SFSWAP: variants seen among roughly 807,000 people sequenced by gnomAD.
The protein encoded by SFSWAP is splicing factor SWAP.
SFSWAP carries 17 observed loss-of-function variants against 100.7 expected under a neutral mutation model. The observed-to-expected ratio is 0.17, with a 90% CI of 0.12 to 0.25. The LOEUF is 0.25. SFSWAP is among the 10% of genes least tolerant of loss of function. SFSWAP has a pLI of 1.00. For missense variants in SFSWAP, 1,005 were observed against 1,262.6 expected, an observed-to-expected ratio of 0.80 and a Z score of 3.09; for synonymous variants, 504 against 510.1, an observed-to-expected ratio of 0.99 and a Z score of 0.16.
At chr12:131,758,265 C>A (rs1039908727) in intron 11 of SFSWAP, among the ~76,000 whole-genome samples, 1 of 152,152 alleles carries the variant, frequency 6.6e-6, no homozygotes, top group Non-Finnish European at 1.5e-5. Flanking sequence ...AGGCTGCTGC[C>A]AACCAGCGTG....
intron 7 of SFSWAP, among the ~76,000 whole-genome samples, chr12:131,736,063 A>G (rs1196966216): frequency 1.3e-5 from 2 of 152,352 alleles, no homozygotes; most frequent in Middle Eastern, 3.4e-3. Flanking sequence ...AGATGGAGCC[A>G]CCAGTCCAGC....
intron 13 of SFSWAP, among the ~76,000 whole-genome samples, chr12:131,773,258 A>G (rs1182810201): frequency 1.3e-5 from 2 of 151,830 alleles, no homozygotes; most frequent in Non-Finnish European, 2.9e-5. Flanking sequence ...GAGAAGGGAG[A>G]AGTCTTCATT....
chr12:131,717,121 G>A (rs745426860), intron 3 of SFSWAP, among the ~76,000 whole-genome samples: 2 of 152,056 alleles, frequency 1.3e-5, no homozygotes, highest in East Asian at 3.8e-4. Context: ...ACACACATAC[G>A]TGCATATTGT....
At chr12:131,772,036 G>A (rs144642271) in intron 13 of SFSWAP, among the ~76,000 whole-genome samples, 36 of 152,150 alleles carry the variant, frequency 2.4e-4, no homozygotes, top group African/African-American at 8.2e-4. Context: ...ATGTTTCTTC[G>A]ACCTAGGAAG....
Position 131,794,246 on chromosome 12 carries a change from A to G in SFSWAP, c.2535-2932A>G, listed in dbSNP as rs1885474368. Reference sequence around the variant, plus strand: ...CATGCTTTGCTGAGCAAAAGCAGCCAGACACAGGCCAGCCACAGTGGCTCA... The same window carrying G: ...CATGCTTTGCTGAGCAAAAGCAGCCGGACACAGGCCAGCCACAGTGGCTCA... On this transcript the variant is annotated intron_variant, in intron 15 of 17. Coordinates refer to ENST00000261674, the MANE Select transcript of SFSWAP (RefSeq NM_004592.4). The surrounding 1 kb of genome is among the most constrained non-coding windows in gnomAD (Gnocchi z 4.8). Among the ~76,000 whole-genome samples, 2 of 151,672 alleles carry G rather than the reference A, an allele frequency of 1.3e-5. No individual in the cohort carries two copies. Among genetic ancestry groups the G allele is most frequent in the African/African-American group, 2.4e-5 (1 of 41,258 alleles).
Position 131,734,676 on chromosome 12 carries a change from C to T in SFSWAP, c.1081+6248C>T, listed in dbSNP as rs772293347. ...CCACGGGGCTCCCAGGAACATTCAC[C>T]GAGTAACTTCAGAAAAGTGAAGAGC... On this transcript the variant is annotated intron_variant, in intron 7 of 17. Transcript: ENST00000261674. The surrounding 1 kb of genome is among the most constrained non-coding windows in gnomAD (Gnocchi z 4.9). Among the ~76,000 whole-genome samples the T allele has an allele frequency of 2.5e-4, 38 of 152,148 alleles. No individual in the cohort carries two copies. The highest frequency in any genetic ancestry group is 5.0e-4 in the Non-Finnish European group (34 of 68,030).
chr12:131,757,738 C>T (rs1032013729), intron 11 of SFSWAP, among the ~76,000 whole-genome samples: 1 of 152,082 alleles, frequency 6.6e-6, no homozygotes, highest in African/African-American at 2.4e-5. Flanking sequence ...GTGGATGAAC[C>T]GCTAACTAGG....
At chr12:131,765,910 C>A (rs146178275) in intron 12 of SFSWAP, among the ~76,000 whole-genome samples, 13 of 152,194 alleles carry the variant, frequency 8.5e-5, no homozygotes, top group Admixed American at 2.0e-4. Flanking sequence ...TGTAGAGTCT[C>A]ACCAACCTTC....
At chr12:131,782,175 T>C (rs191707231) in intron 14 of SFSWAP, among the ~76,000 whole-genome samples, 95 of 152,346 alleles carry the variant, frequency 6.2e-4, no homozygotes, top group Non-Finnish European at 9.8e-4. Context: ...GCTGGTGGTT[T>C]CTCACCATAA....
chr12:131,768,779 C>T (rs992237376), intron 13 of SFSWAP, among the ~76,000 whole-genome samples: 2 of 152,194 alleles, frequency 1.3e-5, no homozygotes, highest in Non-Finnish European at 2.9e-5. Flanking sequence ...CTCCTGGCTC[C>T]TCACTTCAGC....
chr12:131,784,238 CGAG>C (rs1566055799), intron 14 of SFSWAP: 2 of 152,226 alleles, frequency 1.3e-5, no homozygotes, highest in African/African-American at 4.8e-5. Context: ...GGCTGGGACA[CGAG>C]GAGGAATTGC....
At chr12:131,767,952 G>A (rs541825174) in intron 13 of SFSWAP, among the ~76,000 whole-genome samples, 35 of 152,334 alleles carry the variant, frequency 2.3e-4, no homozygotes, top group African/African-American at 6.5e-4. Context: ...TAGTAACTCC[G>A]GGAATTTTAC....
chr12:131,732,434 C>G (rs771312584), intron 7 of SFSWAP, among the ~76,000 whole-genome samples: 9 of 152,120 alleles, frequency 5.9e-5, no homozygotes, highest in Non-Finnish European at 1.2e-4. Context: ...GTCTGATGAG[C>G]CTTTGTGAAT....
At chr12:131,795,925 C>G in intron 15 of SFSWAP, among the ~76,000 whole-genome samples, 1 of 146,774 alleles carries the variant, frequency 6.8e-6, no homozygotes, top group Non-Finnish European at 1.5e-5. Context: ...CGCAGCCCTA[C>G]TCCTGGGATC....
At chr12:131,750,041 G>A (rs1881479723) in intron 7 of SFSWAP, among the ~76,000 whole-genome samples, 1 of 152,234 alleles carries the variant, frequency 6.6e-6, no homozygotes, top group Non-Finnish European at 1.5e-5. Flanking sequence ...AGGGCAAGGG[G>A]TGGGCTGGGC....
chr12:131,764,262 C>T (rs1476054653), intron 11 of SFSWAP, among the ~76,000 whole-genome samples, 194 bp from the exon 12 acceptor site: 4 of 152,222 alleles, frequency 2.6e-5, no homozygotes, highest in Non-Finnish European at 5.9e-5. Flanking sequence ...GGGCTCACCC[C>T]AGCCCCACGC....
intron 7 of SFSWAP, among the ~76,000 whole-genome samples, chr12:131,736,462 A>G (rs1209548111): frequency 6.6e-6 from 1 of 152,208 alleles, no homozygotes; most frequent in East Asian, 1.9e-4. Context: ...AAATAGGAAA[A>G]AATTCTGATA....
intron 16 of SFSWAP, among the ~76,000 whole-genome samples, chr12:131,797,747 G>A (rs1385910093): frequency 6.6e-6 from 1 of 152,244 alleles, no homozygotes; most frequent in Non-Finnish European, 1.5e-5. Context: ...GGCTGCAACG[G>A]CCAGGGCCAA....
rs1314983461 is a variant in SFSWAP, at chr12:131,714,515, TATAA to T, written c.388+281_388+284del. ...TAACTGTTCTTCTTTAACAGTATCG[TATAA>T]ATAAAATTGATGTTCTTGTCTTTGC... On this transcript the variant is annotated intron_variant, in intron 2 of 17. Transcript: ENST00000261674. The surrounding 1 kb of genome is among the most constrained non-coding windows in gnomAD (Gnocchi z 6.0). 4 of 486,546 alleles carry T rather than the reference TATAA, an allele frequency of 8.2e-6. No individual in the cohort carries two copies. The highest frequency in any genetic ancestry group is 7.7e-5 in the African/African-American group (4 of 51,966). The allele number at this position is 486,546 out of a possible 1,614,324, so 30.1% of individuals were successfully genotyped here.
Sources: allele counts gnomAD v4.1 joint callset (sites outside exome capture counted in the v4.1 genomes callset), GRCh38; gene constraint gnomAD v4.1.1; non-coding constraint Gnocchi (gnomAD v3.1); transcripts MANE v1.5; gene names NCBI Gene and HGNC (gene_info 2026-07-23, HGNC 2026-07-21).